The following GALNTL5 variants were observed in gnomAD, a reference collection of about 807,000 sequenced individuals.
The protein encoded by GALNTL5 is polypeptide N-acetylgalactosaminyltransferase like 5.
Under a neutral mutation model 51.0 loss-of-function variants are expected in GALNTL5, and 44 were observed. That is an observed-to-expected ratio of 0.86 (90% CI 0.68 to 1.11). GALNTL5 has a LOEUF of 1.11. Among genes scored for constraint, GALNTL5 ranks in the 50% least tolerant of loss-of-function variants. GALNTL5 has a pLI of 0.00. For missense variants in GALNTL5, 528 were observed against 531.8 expected (o/e 0.99, Z 0.07); for synonymous variants, 192 against 182.8 (o/e 1.05, Z -0.41).
chr7:151,965,303 C>T (rs1372522481), intron 1 of GALNTL5, among the ~76,000 whole-genome samples: 5 of 152,184 alleles, frequency 3.3e-5, no homozygotes, highest in African/African-American at 1.2e-4. Context: ...ATCTCATGTG[C>T]ATTGATGTTC....
intron 1 of GALNTL5, among the ~76,000 whole-genome samples, chr7:151,966,987 G>A (rs143448013): frequency 1.2e-4 from 19 of 152,062 alleles, no homozygotes; most frequent in African/African-American, 2.7e-4. Context: ...AAATGACACC[G>A]TATGTTTTAT....
At chr7:152,019,482 A>G (rs1037285534) in intron 8 of GALNTL5, among the ~76,000 whole-genome samples, 164 bp from the exon 9 acceptor site, 5 of 152,230 alleles carry the variant, frequency 3.3e-5, no homozygotes, top group Non-Finnish European at 4.4e-5. Context: ...CCGAGGTCCC[A>G]TAGTATGTCT....
chr7:152,007,965 A>C, intron 7 of GALNTL5, 21 bp downstream of exon 7: 1 of 1,273,508 alleles, frequency 7.9e-7, no homozygotes, highest in Non-Finnish European at 1.1e-6. Context: ...TTTCATTTTT[A>C]AAATAGCTAT....
intron 6 of GALNTL5, among the ~76,000 whole-genome samples, chr7:152,007,037 G>C (rs913960003): frequency 1.1e-4 from 17 of 152,264 alleles, no homozygotes; most frequent in African/African-American, 4.1e-4. Flanking sequence ...CAAGTGTTGG[G>C]ATTACAGGTG....
intron 3 of GALNTL5, among the ~76,000 whole-genome samples, chr7:151,977,692 G>A (rs1586818031): frequency 6.6e-6 from 1 of 152,192 alleles, no homozygotes; most frequent in East Asian, 1.9e-4. Context: ...CACTTGCTTG[G>A]TAATTATGAA....
At chr7:151,992,523 CCT>C (rs1351916305) in intron 5 of GALNTL5, among the ~76,000 whole-genome samples, 1 of 152,140 alleles carries the variant, frequency 6.6e-6, no homozygotes, top group Non-Finnish European at 1.5e-5. Flanking sequence ...CTCGGCTCCG[CCT>C]CTCTGTTCAC....
At chr7:151,969,466 T>C (rs940079447) in intron 2 of GALNTL5, among the ~76,000 whole-genome samples, 31 of 152,134 alleles carry the variant, frequency 2.0e-4, no homozygotes, top group African/African-American at 7.0e-4. Context: ...AAGTGAGACT[T>C]TTAATGGCGG....
chr7:152,000,911 CTT>C (rs66497039), intron 5 of GALNTL5, among the ~76,000 whole-genome samples: 31 of 128,776 alleles, frequency 2.4e-4, no homozygotes, highest in Admixed American at 4.7e-4. Context: ...TTTTTTCTTT[CTT>C]TTTTTTTTTT....
At chr7:152,011,833 G>C (rs896612885) in intron 7 of GALNTL5, among the ~76,000 whole-genome samples, 3 of 152,172 alleles carry the variant, frequency 2.0e-5, no homozygotes, top group Non-Finnish European at 4.4e-5. Context: ...AAGAGTTTTA[G>C]GATTCAGGCA....
At chr7:152,019,181 T>A (rs553350705) in intron 8 of GALNTL5, among the ~76,000 whole-genome samples, 1 of 152,318 alleles carries the variant, frequency 6.6e-6, no homozygotes, top group South Asian at 2.1e-4. Context: ...AAGACTTGCC[T>A]AGGGTCACAC....
intron 7 of GALNTL5, among the ~76,000 whole-genome samples, chr7:152,010,494 G>A (rs571029751): frequency 6.6e-6 from 1 of 152,190 alleles, no homozygotes; most frequent in Admixed American, 6.5e-5. Context: ...TGGCCCAGGT[G>A]CGGCAGCTCA....
At chr7:151,959,864 G>GTT (rs2080970883) in intron 1 of GALNTL5, among the ~76,000 whole-genome samples, 1 of 152,114 alleles carries the variant, frequency 6.6e-6, no homozygotes. Context: ...GGAGCAGTGG[G>GTT]CCATTTCTGT....
intron 4 of GALNTL5, among the ~76,000 whole-genome samples, chr7:151,984,425 GA>G (rs2081335357): frequency 6.6e-6 from 1 of 152,206 alleles, no homozygotes; most frequent in Admixed American, 6.5e-5. Flanking sequence ...ACAAAAAGAT[GA>G]GGAGAAGCAG....
At chr7:151,991,638 C>T (rs1183753637) in intron 5 of GALNTL5, among the ~76,000 whole-genome samples, 1 of 152,156 alleles carries the variant, frequency 6.6e-6, no homozygotes, top group Non-Finnish European at 1.5e-5. Context: ...TCCAGCATCT[C>T]TCTTCTGCTC....
intron 8 of GALNTL5, 77 bp from the exon 9 acceptor site, chr7:152,019,569 C>T (rs2081863156): frequency 7.3e-7 from 1 of 1,372,376 alleles, no homozygotes; most frequent in East Asian, 2.3e-5. Context: ...ATACATGCGT[C>T]TATGTTAGAT....
At chr7:152,019,096 T>G (rs2081855563) in intron 8 of GALNTL5, among the ~76,000 whole-genome samples, 1 of 152,182 alleles carries the variant, frequency 6.6e-6, no homozygotes, top group African/African-American at 2.4e-5. Context: ...ACTTAGTATG[T>G]GCCAACCATG....
chr7:152,002,097 C>T lies in GALNTL5; in HGVS notation c.659-617C>T, dbSNP rs143028016. On this transcript the variant is annotated intron_variant, in intron 5 of 8. Coordinates refer to ENST00000392800, the MANE Select transcript of GALNTL5 (RefSeq NM_145292.4). ...GAGCTCGAGACCAGCCTGGCCAACACGGTGAAACCCCGTCTCTACTAAAAA... is the reference window on the plus strand; with the variant it reads ...GAGCTCGAGACCAGCCTGGCCAACATGGTGAAACCCCGTCTCTACTAAAAA... Among the ~76,000 whole-genome samples, 668 of 152,076 alleles carry T rather than the reference C, an allele frequency of 4.4e-3. 1 individual carries two copies. Among genetic ancestry groups the T allele is most frequent in the Middle Eastern group, 0.014 (4 of 294 alleles).
At chr7:151,965,869 G>A (rs1335560017) in intron 1 of GALNTL5, among the ~76,000 whole-genome samples, 1 of 152,056 alleles carries the variant, frequency 6.6e-6, no homozygotes, top group Non-Finnish European at 1.5e-5. Flanking sequence ...CCTGGGTGAG[G>A]GGAGTGAGAC....
intron 8 of GALNTL5, 85 bp from the exon 9 acceptor site, chr7:152,019,561 A>G: frequency 1.5e-6 from 2 of 1,310,094 alleles, no homozygotes; most frequent in East Asian, 2.3e-5. Context: ...TGATGAAAAT[A>G]CATGCGTCTA....
Sources: allele counts gnomAD v4.1 joint callset (sites outside exome capture counted in the v4.1 genomes callset), GRCh38; gene constraint gnomAD v4.1.1; transcripts MANE v1.5; gene names NCBI Gene and HGNC (gene_info 2026-07-23, HGNC 2026-07-21).